The following MEGF11 variants were observed in gnomAD, a reference collection of about 807,000 sequenced individuals.
The protein encoded by MEGF11 is multiple EGF like domains 11, also known as multiple epidermal growth factor-like domains protein 11.
In MEGF11, 126 loss-of-function variants were observed where a neutral mutation model predicts 146.6. The observed-to-expected ratio is 0.86, with a 90% confidence interval of 0.74 to 1.00. MEGF11 has a LOEUF of 1.00. Among genes scored for constraint, MEGF11 ranks in the 50% least tolerant of loss-of-function variants. The pLI is 0.00. For missense variants in MEGF11, 1,509 were observed against 1,521.2 expected, an observed-to-expected ratio of 0.99 and a Z score of 0.13; for synonymous variants, 532 against 583.4, an observed-to-expected ratio of 0.91 and a Z score of 1.27.
chr15:66,180,170 C>A (rs2090508444), intron 1 of MEGF11, among the ~76,000 whole-genome samples: 1 of 152,226 alleles, frequency 6.6e-6, no homozygotes, highest in African/African-American at 2.4e-5. Context: ...CCCAGAGGAA[C>A]AAGCAAGCCA....
intron 5 of MEGF11, among the ~76,000 whole-genome samples, chr15:66,039,652 C>T (rs1221616021): frequency 6.6e-6 from 1 of 152,204 alleles, no homozygotes; most frequent in Non-Finnish European, 1.5e-5. Flanking sequence ...CCCACCCCTG[C>T]TTTCTCCACC....
intron 1 of MEGF11, among the ~76,000 whole-genome samples, chr15:66,191,781 A>C (rs573983624): frequency 8.5e-4 from 130 of 152,330 alleles, no homozygotes; most frequent in African/African-American, 3.0e-3. Flanking sequence ...AATCTTAATA[A>C]AAAGACCTAC....
Position 66,211,250 on chromosome 15 carries a change from T to A in MEGF11, c.-9+42355A>T, listed in dbSNP as rs148381988. Among the ~76,000 whole-genome samples the A allele has an allele frequency of 1.8e-4, 28 of 152,256 alleles. No individual in the cohort carries two copies. In the East Asian group the frequency reaches 1.9e-3, roughly 11 times the overall value. On this transcript the variant is annotated intron_variant, in intron 1 of 25. Coordinates refer to ENST00000395614, the MANE Select transcript of MEGF11 (RefSeq NM_001385028.1). The stretch of plus-strand genomic sequence containing the variant: ...AAGAAAGAAAATCATCCAGCCGGGC[T>A]TGGTGGCTCACGCCTGTAATCTCAG...
chr15:65,974,662 A>G (rs1596938549), intron 7 of MEGF11, among the ~76,000 whole-genome samples: 1 of 152,258 alleles, frequency 6.6e-6, no homozygotes, highest in East Asian at 1.9e-4. Context: ...CTCAAAAGAA[A>G]AAAAGAAAAG....
At chr15:66,217,614 G>A (rs1489608971) in intron 1 of MEGF11, among the ~76,000 whole-genome samples, 1 of 152,272 alleles carries the variant, frequency 6.6e-6, no homozygotes, top group African/African-American at 2.4e-5. Flanking sequence ...TAAGGCACAG[G>A]AAAGGGAATT....
intron 1 of MEGF11, among the ~76,000 whole-genome samples, chr15:66,195,708 A>G (rs1253904499): frequency 6.6e-6 from 1 of 152,220 alleles, no homozygotes; most frequent in Non-Finnish European, 1.5e-5. Flanking sequence ...AGGGACAGCC[A>G]CACTGCTGGT....
At chr15:65,909,469 G>A (rs929677505) in intron 22 of MEGF11, among the ~76,000 whole-genome samples, 1 of 152,090 alleles carries the variant, frequency 6.6e-6, no homozygotes, top group African/African-American at 2.4e-5. Flanking sequence ...TATCCAGATG[G>A]TGAGTGTGTC....
Position 66,002,965 on chromosome 15 carries a change from T to C in MEGF11, c.395-20477A>G, listed in dbSNP as rs376876667. On this transcript the variant is annotated intron_variant, in intron 5 of 25. Coordinates refer to ENST00000395614, the MANE Select transcript of MEGF11 (RefSeq NM_001385028.1). ...GAGCCTAGAATAGTTCTCTTAAGTC[T>C]AGGGCTGTTTCTTTCTTTTCTTTCT... Among the ~76,000 whole-genome samples the C allele has an allele frequency of 2.1e-3, 298 of 144,666 alleles. 2 individuals are homozygous for C. The highest frequency in any genetic ancestry group is 7.0e-3 in the African/African-American group (279 of 39,618). The allele number at this position is 144,666 out of a possible 152,430, so 94.9% of individuals were successfully genotyped here.
chr15:66,176,235 G>A (rs916002018), intron 1 of MEGF11, among the ~76,000 whole-genome samples: 3 of 152,172 alleles, frequency 2.0e-5, no homozygotes, highest in Non-Finnish European at 2.9e-5. Flanking sequence ...CAGCCATTAC[G>A]GAAAACAGTA....
chr15:65,897,293 T>C lies in MEGF11; in HGVS notation c.*641A>G, dbSNP rs2078376518. 6.6e-6 allele frequency: 1 copy of C among 152,232 alleles called. No homozygotes were observed. Among genetic ancestry groups the C allele is most frequent in the Non-Finnish European group, 1.5e-5 (1 of 68,038 alleles). The allele number at this position is 152,232 out of a possible 1,614,324, so 9.4% of individuals were successfully genotyped here. A position where few individuals can be genotyped will look rare whatever the true frequency, so the allele number is the denominator to read the frequency against. On this transcript the variant is annotated 3_prime_UTR_variant, in exon 26 of 26. Coordinates refer to ENST00000395614, the MANE Select transcript of MEGF11 (RefSeq NM_001385028.1). ...AACGTGTGTGTGTGTCTCTGTGTGT[T>C]TAAACCTATCACTTAGGGGGCAGAA...
intron 5 of MEGF11, among the ~76,000 whole-genome samples, chr15:66,076,870 A>G (rs1946409208): frequency 6.6e-6 from 1 of 152,170 alleles, no homozygotes; most frequent in Admixed American, 6.5e-5. Context: ...GCCTCCAGTC[A>G]GGGATGGAGG....
chr15:66,001,317 T>C (rs1438881561), intron 5 of MEGF11, among the ~76,000 whole-genome samples: 1 of 152,006 alleles, frequency 6.6e-6, no homozygotes, highest in African/African-American at 2.4e-5. Flanking sequence ...CTGGCTGGTA[T>C]GAGGAAGGGA....
intron 3 of MEGF11, among the ~76,000 whole-genome samples, chr15:66,121,410 G>T (rs1422867076): frequency 1.3e-5 from 2 of 152,190 alleles, no homozygotes; most frequent in Non-Finnish European, 2.9e-5. Flanking sequence ...TAGCTGAGTT[G>T]CTCCTATTGG....
chr15:66,242,277 T>G (rs2092225126), intron 1 of MEGF11, among the ~76,000 whole-genome samples: 1 of 151,526 alleles, frequency 6.6e-6, no homozygotes, highest in Non-Finnish European at 1.5e-5. Context: ...GGCATGCCAG[T>G]GCACACCTAT....
intron 1 of MEGF11, among the ~76,000 whole-genome samples, chr15:66,176,350 CT>C (rs1156764404): frequency 6.6e-6 from 1 of 152,150 alleles, no homozygotes; most frequent in Non-Finnish European, 1.5e-5. Context: ...GAAGAAATAC[CT>C]GCACTCCCAT....
intron 1 of MEGF11, among the ~76,000 whole-genome samples, chr15:66,252,878 G>T (rs552358960): frequency 1.6e-4 from 24 of 152,318 alleles, no homozygotes; most frequent in African/African-American, 5.3e-4. Flanking sequence ...CGCGCAGAGA[G>T]TCACTTGCTT....
intron 1 of MEGF11, among the ~76,000 whole-genome samples, chr15:66,146,936 G>A (rs190402490): frequency 7.2e-5 from 11 of 152,208 alleles, no homozygotes; most frequent in Admixed American, 1.3e-4. Flanking sequence ...CTTCCTACAG[G>A]TTCCCATAAT....
At chr15:65,933,016 A>G (rs1013206178) in intron 10 of MEGF11, among the ~76,000 whole-genome samples, 12 of 152,248 alleles carry the variant, frequency 7.9e-5, no homozygotes, top group African/African-American at 2.2e-4. Flanking sequence ...CTAAGGGTCC[A>G]GGCATCTGGC....
chr15:66,199,138 A>G (rs2091086777), intron 1 of MEGF11, among the ~76,000 whole-genome samples: 1 of 152,186 alleles, frequency 6.6e-6, no homozygotes, highest in Non-Finnish European at 1.5e-5. Flanking sequence ...GCAAGGGAAA[A>G]AAAACATATC....
Sources: gnomAD v4.1 joint callset for allele counts (sites outside exome capture counted in the v4.1 genomes callset) on GRCh38, gnomAD v4.1.1 for gene constraint, MANE v1.5 for transcripts, NCBI Gene and HGNC (gene_info 2026-07-23, HGNC 2026-07-21) for gene names.